The following POU2F3 variants were observed in gnomAD, a reference collection of about 807,000 sequenced individuals.
POU2F3 encodes POU domain, class 2, transcription factor 3.
A neutral mutation model predicts 59.2 loss-of-function variants in POU2F3; 23 were observed. The ratio of observed to expected loss-of-function variants is 0.39; its 90% CI spans 0.28 to 0.55. The LOEUF (loss-of-function observed/expected upper bound fraction) is 0.55, where lower values mean the gene tolerates loss of function less well. Ranked by LOEUF, POU2F3 falls within the 20% of genes least tolerant of loss-of-function variation. The probability of loss-of-function intolerance (pLI) is 0.66; values close to 1 mark genes in which losing one functional copy is unlikely to be tolerated. For synonymous variants in POU2F3, 190 were observed against 214.6 expected, an observed-to-expected ratio of 0.89 and a Z score of 1.00; for missense variants, 473 against 544.5, an observed-to-expected ratio of 0.87 and a Z score of 1.31.
chr11:120,299,200 C>A (rs926789675), intron 4 of POU2F3, among the ~76,000 whole-genome samples: 7 of 152,170 alleles, frequency 4.6e-5, no homozygotes, highest in African/African-American at 1.7e-4. Flanking sequence ...AGGAAACAGC[C>A]GAGGCATGGC....
At position 120,318,341 on chromosome 11, in the gene POU2F3, T is replaced by C. The variant is rs1291214864; in HGVS notation, c.1272-12T>C. ...TTATTAGCTTTAGGATTGACTTCTT[T>C]CTTCCTTCCAGATCTTGGTACCGAT... On this transcript the variant is annotated splice_polypyrimidine_tract_variant and intron_variant, in intron 12 of 12. Coordinates refer to ENST00000543440, the MANE Select transcript of POU2F3 (RefSeq NM_014352.4). 2.5e-6 allele frequency: 4 copies of C among 1,599,976 alleles called. No individual in the cohort carries two copies. The highest frequency in any genetic ancestry group is 2.6e-6 in the Non-Finnish European group (3 of 1,167,084).
chr11:120,304,604 GA>G (rs911397714), intron 6 of POU2F3, among the ~76,000 whole-genome samples: 13 of 150,514 alleles, frequency 8.6e-5, no homozygotes, highest in Non-Finnish European at 4.4e-5. Flanking sequence ...CTGCTTTATG[GA>G]AAAAAACAAA....
chr11:120,249,823 T>C (rs1939026544), intron 2 of POU2F3: 1 of 152,172 alleles, frequency 6.6e-6, no homozygotes. Flanking sequence ...GGCTATGAGA[T>C]AGAGACACGA....
At chr11:120,293,288 T>C (rs576333798) in intron 3 of POU2F3, among the ~76,000 whole-genome samples, 4 of 152,274 alleles carry the variant, frequency 2.6e-5, no homozygotes, top group Non-Finnish European at 5.9e-5. Flanking sequence ...CTTGGACTCC[T>C]AAGGAACAGC....
At chr11:120,280,407 C>T (rs993489751) in intron 3 of POU2F3, among the ~76,000 whole-genome samples, 1 of 152,202 alleles carries the variant, frequency 6.6e-6, no homozygotes, top group African/African-American at 2.4e-5. Context: ...CTGTGCCAGG[C>T]ACTTTACATA....
intron 2 of POU2F3, chr11:120,261,166 G>C (rs1034769614): frequency 7.0e-6 from 1 of 142,272 alleles, no homozygotes; most frequent in Non-Finnish European, 1.5e-5. Flanking sequence ...TGTTTTGTGT[G>C]TGTGTGTGTG....
intron 3 of POU2F3, among the ~76,000 whole-genome samples, chr11:120,283,481 C>A (rs1940653974): frequency 6.6e-6 from 1 of 152,124 alleles, no homozygotes; most frequent in African/African-American, 2.4e-5. Context: ...GCATAAGAGG[C>A]CTCCAGTTCC....
intron 3 of POU2F3, among the ~76,000 whole-genome samples, chr11:120,292,923 T>G (rs1382238650): frequency 6.6e-5 from 10 of 152,224 alleles, no homozygotes; most frequent in Non-Finnish European, 1.5e-4. Context: ...TTTTCATGCA[T>G]GTGTCAGCAC....
rs1941868516 is a variant in POU2F3 at position 120,319,507 on chromosome 11, C to T, written c.*1115C>T. On this transcript the variant is annotated 3_prime_UTR_variant, in exon 13 of 13. Coordinates refer to ENST00000543440, the MANE Select transcript of POU2F3 (RefSeq NM_014352.4). ...CCAGGCTGGAGTGCAGTGGCATGAT[C>T]TTGGCTCACTGCATGCTCTGCCACT... 7.5e-6 allele frequency: 1 copy of T among 133,006 alleles called. No individual in the cohort carries two copies. Among genetic ancestry groups the T allele is most frequent in the African/African-American group, 2.9e-5 (1 of 34,734 alleles). The allele number at this position is 133,006 out of a possible 1,614,324, so 8.2% of individuals were successfully genotyped here.
intron 11 of POU2F3, among the ~76,000 whole-genome samples, chr11:120,316,981 A>G (rs1231022954): frequency 6.6e-6 from 1 of 152,144 alleles, no homozygotes; most frequent in Non-Finnish European, 1.5e-5. Context: ...CAAGTCTTAG[A>G]CTTGCAGAAC....
chr11:120,261,520 T>C (rs1939604396), intron 2 of POU2F3, among the ~76,000 whole-genome samples: 5 of 152,148 alleles, frequency 3.3e-5, no homozygotes, highest in Admixed American at 3.3e-4. Context: ...TGTTGGCCCT[T>C]CCTACTTGGC....
Position 120,307,633 on chromosome 11 carries a change from G to A in POU2F3, c.906+18G>A. On this transcript the variant is annotated intron_variant, in intron 9 of 12. Transcript: ENST00000543440. ...TTCAAGATGTGAGCAGCACCTTCGG[G>A]TGGGCACGGGTGGGCTACCTCACAC... is the stretch of plus-strand genomic sequence containing the variant. The A allele has an allele frequency of 6.2e-7, 1 of 1,613,342 alleles. No individual in the cohort carries two copies. Among genetic ancestry groups the A allele is most frequent in the East Asian group, 2.2e-5 (1 of 44,888 alleles).
intron 3 of POU2F3, among the ~76,000 whole-genome samples, chr11:120,293,971 C>T (rs1941115191): frequency 6.6e-6 from 1 of 152,170 alleles, no homozygotes; most frequent in South Asian, 2.1e-4. Context: ...GAGTTTATAA[C>T]CATCTCTGAA....
chr11:120,237,325 C>T (rs991239996), upstream of POU2F3, among the ~76,000 whole-genome samples: 13 of 152,094 alleles, frequency 8.5e-5, no homozygotes, highest in African/African-American at 3.1e-4. Flanking sequence ...ATCCTCTCCC[C>T]ACCCAGCCCC....
At chr11:120,246,769 C>G (rs1938894348) in intron 2 of POU2F3, among the ~76,000 whole-genome samples, 1 of 152,118 alleles carries the variant, frequency 6.6e-6, no homozygotes, top group Admixed American at 6.5e-5. Flanking sequence ...AAAAACAGAA[C>G]AAAACCAAAA....
At chr11:120,301,257 G>A in intron 5 of POU2F3, 2 of 339,724 alleles carry the variant, frequency 5.9e-6, no homozygotes, top group South Asian at 5.0e-5. Context: ...GCAAGGCTCT[G>A]CCTCATGAGA....
intron 6 of POU2F3, 70 bp from the exon 7 acceptor site, chr11:120,304,942 TAAAAAAAAAAAAAAAAAA>T: frequency 6.0e-6 from 2 of 335,316 alleles, no homozygotes; most frequent in South Asian, 3.7e-5. Context: ...GGCCTATTAG[TAAAAAAAAAAAAAAAAAA>T]AAAAAAAAAA....
At chr11:120,302,622 G>GCA in intron 6 of POU2F3, 1 of 482,138 alleles carries the variant, frequency 2.1e-6, no homozygotes, top group Non-Finnish European at 3.7e-6. Context: ...CATGCTCCAG[G>GCA]CACTGAACTC....
At chr11:120,270,560 T>C (rs751097608) in intron 3 of POU2F3, among the ~76,000 whole-genome samples, 1 of 152,130 alleles carries the variant, frequency 6.6e-6, no homozygotes, top group Admixed American at 6.5e-5. Flanking sequence ...AAGGGCTGCA[T>C]TGGGTAATCA....
Sources: gnomAD v4.1 joint callset for allele counts (sites outside exome capture counted in the v4.1 genomes callset) on GRCh38, gnomAD v4.1.1 for gene constraint, MANE v1.5 for transcripts, NCBI Gene and HGNC (gene_info 2026-07-23, HGNC 2026-07-21) for gene names.